The following CELF4 variants were observed in gnomAD, a reference collection of about 807,000 sequenced individuals.
CELF4 encodes the protein CUGBP Elav-like family member 4, also known as CUG-BP- and ETR-3-like factor 4.
A neutral mutation model predicts 59.9 loss-of-function variants in CELF4; 18 were observed. The ratio of observed to expected loss-of-function variants is 0.30; its 90% CI spans 0.21 to 0.45. The LOEUF (loss-of-function observed/expected upper bound fraction) is 0.45. Among genes scored for constraint, CELF4 ranks in the 20% least tolerant of loss-of-function variants. CELF4 has a pLI of 1.00. For missense variants in CELF4, 456 were observed against 689.0 expected (o/e 0.66, Z 3.79); for synonymous variants, 261 against 267.1 (o/e 0.98, Z 0.22).
At chr18:37,494,152 G>T (rs938955069) in intron 1 of CELF4, among the ~76,000 whole-genome samples, 9 of 152,220 alleles carry the variant, frequency 5.9e-5, no homozygotes, top group Admixed American at 3.3e-4. Flanking sequence ...CAGCCAGTGG[G>T]TCCTTTGCCA....
At chr18:37,562,410 C>T (rs1009048616) in intron 1 of CELF4, among the ~76,000 whole-genome samples, 18 of 148,428 alleles carry the variant, frequency 1.2e-4, no homozygotes, top group Non-Finnish European at 2.2e-4. Context: ...ATAAACATGA[C>T]ATCCAAACTG....
At chr18:37,471,513 G>A (rs1008544094) in intron 2 of CELF4, among the ~76,000 whole-genome samples, 1 of 152,004 alleles carries the variant, frequency 6.6e-6, no homozygotes, top group Admixed American at 6.6e-5. Flanking sequence ...CTTTGCCCCT[G>A]CTGTCACCTC....
At position 37,565,730 on chromosome 18, in the gene CELF4, TAC is replaced by T; in HGVS notation, c.-91_-90del. 8.9e-7 allele frequency: 1 copy of T among 1,124,002 alleles called. No homozygotes were observed. Among genetic ancestry groups the T allele is most frequent in the Non-Finnish European group, 1.2e-6 (1 of 811,840 alleles). The allele number at this position is 1,124,002 out of a possible 1,614,324, so 69.6% of individuals were successfully genotyped here. ...GCTCGCGCTCACACACGCACACGCA[TAC>T]ACACACTCGGGTTCTCTCCCCCTCG... On this transcript the variant is annotated 5_prime_UTR_variant, in exon 1 of 13. Coordinates refer to ENST00000420428, the MANE Select transcript of CELF4 (RefSeq NM_020180.4).
chr18:37,365,471 G>A (rs1347585950), intron 2 of CELF4, among the ~76,000 whole-genome samples: 7 of 147,748 alleles, frequency 4.7e-5, no homozygotes, highest in Non-Finnish European at 8.9e-5. Flanking sequence ...CCCTGAAGGC[G>A]GATGGGGCAA....
chr18:37,483,490 T>C (rs979474197), intron 2 of CELF4, among the ~76,000 whole-genome samples: 1 of 152,196 alleles, frequency 6.6e-6, no homozygotes, highest in Non-Finnish European at 1.5e-5. Context: ...AGCTCTGCTG[T>C]TGGCCTCTAT....
chr18:37,440,610 G>T (rs2099709582), intron 2 of CELF4, among the ~76,000 whole-genome samples: 1 of 152,150 alleles, frequency 6.6e-6, no homozygotes, highest in South Asian at 2.1e-4. Context: ...GGCCCACAGG[G>T]AATAATTAAT....
At chr18:37,532,495 A>G (rs937178961) in intron 1 of CELF4, among the ~76,000 whole-genome samples, 1 of 152,210 alleles carries the variant, frequency 6.6e-6, no homozygotes, top group Non-Finnish European at 1.5e-5. Flanking sequence ...CAGATGAAAG[A>G]CCAGACATTT....
At chr18:37,405,735 T>C (rs578198662) in intron 2 of CELF4, among the ~76,000 whole-genome samples, 1 of 152,318 alleles carries the variant, frequency 6.6e-6, no homozygotes, top group African/African-American at 2.4e-5. Context: ...TCTCTACCTG[T>C]TGAGGGAAGA....
At chr18:37,552,288 T>A (rs771288479) in intron 1 of CELF4, among the ~76,000 whole-genome samples, 2 of 152,214 alleles carry the variant, frequency 1.3e-5, no homozygotes, top group Non-Finnish European at 2.9e-5. Flanking sequence ...TGGACATGAA[T>A]CTGCACCTCC....
intron 2 of CELF4, among the ~76,000 whole-genome samples, chr18:37,450,669 G>T (rs932770036): frequency 2.6e-5 from 4 of 152,044 alleles, no homozygotes; most frequent in Non-Finnish European, 5.9e-5. Flanking sequence ...CCTCCGGGCA[G>T]CACAGCCTCG....
intron 2 of CELF4, among the ~76,000 whole-genome samples, chr18:37,451,259 T>G (rs2099762959): frequency 6.6e-6 from 1 of 152,122 alleles, no homozygotes; most frequent in Non-Finnish European, 1.5e-5. Context: ...AATGTGAGCC[T>G]GATAAGGGAG....
At chr18:37,468,242 C>T (rs2099813465) in intron 2 of CELF4, among the ~76,000 whole-genome samples, 1 of 152,190 alleles carries the variant, frequency 6.6e-6, no homozygotes, top group South Asian at 2.1e-4. Flanking sequence ...GATCCTGAAG[C>T]TGTGTTTCAA....
intron 2 of CELF4, among the ~76,000 whole-genome samples, chr18:37,477,977 C>T (rs1037432007): frequency 1.3e-5 from 2 of 152,146 alleles, no homozygotes; most frequent in African/African-American, 4.8e-5. Flanking sequence ...GGAATCCAGC[C>T]CCAGCCCTGG....
At chr18:37,252,934 G>A (rs915915190) in intron 12 of CELF4, among the ~76,000 whole-genome samples, 1 of 151,954 alleles carries the variant, frequency 6.6e-6, no homozygotes, top group Non-Finnish European at 1.5e-5. Flanking sequence ...TCTGCTCTGT[G>A]AAGAAGCCGA....
chr18:37,546,085 G>T (rs1336291100), intron 1 of CELF4, among the ~76,000 whole-genome samples: 2 of 152,132 alleles, frequency 1.3e-5, no homozygotes, highest in Non-Finnish European at 2.9e-5. Context: ...ACACACATTT[G>T]CAGAGAACTG....
intron 2 of CELF4, among the ~76,000 whole-genome samples, chr18:37,479,234 C>G (rs1326797986): frequency 6.6e-6 from 1 of 152,186 alleles, no homozygotes; most frequent in African/African-American, 2.4e-5. Flanking sequence ...ACAAGTCATC[C>G]CTCTTGTAAC....
Position 37,427,149 on chromosome 18 carries a change from T to C in CELF4, c.369+58376A>G, listed in dbSNP as rs539125160. Among the ~76,000 whole-genome samples the C allele has an allele frequency of 3.3e-5, 5 of 152,184 alleles. No homozygotes were observed. In the South Asian group the frequency reaches 1.0e-3, roughly 32 times the overall value. ...CCCTTGTTCAAATGAAGGCTTCTCC[T>C]CTCATCAGCTGGACGTGGGGCTTGC... On this transcript the variant is annotated intron_variant, in intron 2 of 12. Transcript: ENST00000420428.
intron 7 of CELF4, among the ~76,000 whole-genome samples, chr18:37,271,126 C>T (rs181567598): frequency 6.6e-6 from 1 of 152,346 alleles, no homozygotes; most frequent in African/African-American, 2.4e-5. Context: ...TGTATCTATC[C>T]TTCAAGGCAG....
Position 37,356,649 on chromosome 18 carries a change from C to G in CELF4, c.370-34768G>C, listed in dbSNP as rs540432589. 2.0e-5 allele frequency among the ~76,000 whole-genome samples: 3 copies of G among 152,310 alleles called. No homozygotes were observed. The South Asian group carries it at 6.2e-4, about 32-fold the overall frequency. On this transcript the variant is annotated intron_variant, in intron 2 of 12. Transcript: ENST00000420428. ...GCAGGGACCAACATCAACGAAGGGGCCCTCCTGGGCTGGCAGTGGCTATGC... is the reference window on the plus strand; with the variant it reads ...GCAGGGACCAACATCAACGAAGGGGGCCTCCTGGGCTGGCAGTGGCTATGC...
Sources: allele counts gnomAD v4.1 joint callset (sites outside exome capture counted in the v4.1 genomes callset), GRCh38; gene constraint gnomAD v4.1.1; transcripts MANE v1.5; gene names NCBI Gene and HGNC (gene_info 2026-07-23, HGNC 2026-07-21).